Variants in SEC14L4 observed in about 807,000 individuals in gnomAD.
SEC14L4 encodes SEC14 like lipid binding 4.
SEC14L4 carries 42 observed loss-of-function variants against 55.1 expected under a neutral mutation model. The observed-to-expected ratio is 0.76, with a 90% CI of 0.60 to 0.99. The LOEUF is 0.99. Among genes scored for constraint, SEC14L4 ranks in the 50% least tolerant of loss-of-function variants. The pLI is 0.00. For missense variants in SEC14L4, 445 were observed against 512.1 expected (o/e 0.87, Z 1.27); for synonymous variants, 206 against 206.8 (o/e 1.00, Z 0.03).
intron 2 of SEC14L4, among the ~76,000 whole-genome samples, chr22:30,501,696 T>G (rs1475047885): frequency 6.6e-6 from 1 of 151,970 alleles, no homozygotes; most frequent in Non-Finnish European, 1.5e-5. Context: ...CTAACAAATG[T>G]ACCATCATCA....
chr22:30,492,237 C>T (rs1447488131), intron 8 of SEC14L4, 82 bp from the exon 9 acceptor site: 1 of 1,505,402 alleles, frequency 6.6e-7, no homozygotes, highest in Non-Finnish European at 9.1e-7. Context: ...GGTGAGGGAA[C>T]CTGATATGTC....
At chr22:30,494,989 G>A (rs765713151) in intron 5 of SEC14L4, 28 bp from the exon 6 acceptor site, 3 of 1,589,936 alleles carry the variant, frequency 1.9e-6, no homozygotes, top group Non-Finnish European at 2.6e-6. Flanking sequence ...ATATAGGTCA[G>A]ACGACAGCTC....
At chr22:30,497,761 T>G (rs372487810) in intron 2 of SEC14L4, among the ~76,000 whole-genome samples, 1 of 152,202 alleles carries the variant, frequency 6.6e-6, no homozygotes, top group Admixed American at 6.6e-5. Context: ...CAAGTTCACC[T>G]ATGCGATCTT....
intron 4 of SEC14L4, 29 bp from the exon 5 acceptor site, chr22:30,495,471 A>G (rs1936115576): frequency 6.2e-7 from 1 of 1,611,184 alleles, no homozygotes; most frequent in East Asian, 2.2e-5. Context: ...TCCCGACTCA[A>G]TCCAGCTCAC....
Position 30,491,603 on chromosome 22 carries a change from C to T in SEC14L4, c.1051G>A (p.Gly351Arg), listed in dbSNP as rs867321945. Residue 351 changes from glycine (G) to arginine (R), a missense_variant, in exon 11 of 12, where the codon GGG (glycine) becomes AGG (arginine). By Grantham distance (125) the Gly-to-Arg change is moderately radical (BLOSUM62 -2). Transcript: ENST00000255858. Reference protein sequence around the residue: ...RYNAHMVPEDGSLTCLQAGVY... With the variant: ...RYNAHMVPEDRSLTCLQAGVY... ...CCAGCCTGGAGGCAGGTGAGGCTCC[C>T]ATCCTCAGGCACCATGTGGGCATTG... 1.2e-6 allele frequency: 2 copies of T among 1,614,056 alleles called. No individual in the cohort carries two copies. Among genetic ancestry groups the T allele is most frequent in the African/African-American group, 1.3e-5 (1 of 74,924 alleles).
rs1432400528 is a variant in SEC14L4, at chr22:30,491,682, C to G, written c.972G>C (p.Met324Ile). Residue 324 changes from methionine to isoleucine, a missense_variant, in exon 11 of 12, where the codon ATG (methionine) becomes ATC (isoleucine). By Grantham distance (10) the Met-to-Ile change is conservative (BLOSUM62 1). Coordinates refer to ENST00000255858, the MANE Select transcript of SEC14L4 (RefSeq NM_174977.4). ...IGFGVFLKTK[M>I]GEQQSAREMT... ...TCTCCCTAGCACTCTGCTGCTCCCC[C>G]ATCTTGGTCTTCAGGAAAACCCCAA... The G allele has an allele frequency of 5.6e-6, 9 of 1,614,192 alleles. No homozygotes were observed. The highest frequency in any genetic ancestry group is 1.3e-5 in the African/African-American group (1 of 75,056).
At chr22:30,501,788 GAA>G (rs1936328098) in intron 2 of SEC14L4, among the ~76,000 whole-genome samples, 1 of 146,818 alleles carries the variant, frequency 6.8e-6, no homozygotes, top group Admixed American at 7.0e-5. Context: ...GCAATTTTCT[GAA>G]AATCTAAAAC....
At chr22:30,498,069 C>T (rs1212893704) in intron 2 of SEC14L4, among the ~76,000 whole-genome samples, 1 of 151,110 alleles carries the variant, frequency 6.6e-6, no homozygotes, top group African/African-American at 2.4e-5. Flanking sequence ...GGTTAAACTC[C>T]TGGGTATTTT....
chr22:30,494,081 T>C, intron 7 of SEC14L4, 69 bp downstream of exon 7: 1 of 1,191,724 alleles, frequency 8.4e-7, no homozygotes, highest in Non-Finnish European at 1.3e-6. Context: ...TTTAACTCCA[T>C]GGCTTACCTA....
chr22:30,495,076 A>G (rs190471398), intron 5 of SEC14L4, 115 bp from the exon 6 acceptor site: 1 of 936,618 alleles, frequency 1.1e-6, no homozygotes, highest in African/African-American at 1.7e-5. Flanking sequence ...GGCAGCCCAC[A>G]GCGTTTTCCA....
chr22:30,498,119 A>G (rs1019631970), intron 2 of SEC14L4, among the ~76,000 whole-genome samples: 1 of 133,338 alleles, frequency 7.5e-6, no homozygotes, highest in African/African-American at 2.8e-5. Flanking sequence ...CTGACTTTTC[A>G]TTATCTTTTT....
Position 30,491,622 on chromosome 22 carries a change from G to A in SEC14L4, c.1032C>T (p.Ala344=). Residue 344 remains alanine, a synonymous_variant, in exon 11 of 12, where the codon GCC becomes GCT. Coordinates refer to ENST00000255858, the MANE Select transcript of SEC14L4 (RefSeq NM_174977.4). The stretch of plus-strand genomic sequence containing the variant: ...GGCTCCCATCCTCAGGCACCATGTG[G>A]GCATTGTAGCGCTGGCTGGGCAGCA... ...TEVLPSQRYN[A]HMVPEDGSLT... 1.2e-6 allele frequency: 2 copies of A among 1,614,142 alleles called. No homozygotes were observed. The highest frequency in any genetic ancestry group is 1.1e-5 in the South Asian group (1 of 91,084).
At chr22:30,503,001 C>T (rs1359458889) in intron 2 of SEC14L4, among the ~76,000 whole-genome samples, 1 of 152,228 alleles carries the variant, frequency 6.6e-6, no homozygotes, top group Non-Finnish European at 1.5e-5. Context: ...GCCCTGTCCT[C>T]GGGGAACTGG....
At chr22:30,505,457 C>T in intron 1 of SEC14L4, 101 bp downstream of exon 1, 1 of 1,237,342 alleles carries the variant, frequency 8.1e-7, no homozygotes, top group Non-Finnish European at 1.1e-6. Flanking sequence ...TCTCTCCAGG[C>T]TCGGTGTTCC....
At chr22:30,495,791 C>T (rs1376283231) in intron 3 of SEC14L4, 137 bp downstream of exon 3, 1 of 1,596,442 alleles carries the variant, frequency 6.3e-7, no homozygotes, top group Non-Finnish European at 8.5e-7. Context: ...GGACTTGGGT[C>T]TGATGCAGAA....
chr22:30,489,148 A>G lies in SEC14L4; in HGVS notation c.*959T>C, dbSNP rs1387426781. ...TGGAGACTCAGTCGTTACCCACTCA[A>G]CTGGAAGGCTGAGCATGGCTTTTTC... is the stretch of plus-strand genomic sequence containing the variant. On this transcript the variant is annotated 3_prime_UTR_variant, in exon 12 of 12. Coordinates refer to ENST00000255858, the MANE Select transcript of SEC14L4 (RefSeq NM_174977.4). 6.5e-6 allele frequency: 1 copy of G among 152,834 alleles called. No individual in the cohort carries two copies. Among genetic ancestry groups the G allele is most frequent in the Non-Finnish European group, 1.5e-5 (1 of 68,582 alleles). The allele number at this position is 152,834 out of a possible 1,614,324, so 9.5% of individuals were successfully genotyped here.
chr22:30,503,875 G>T, intron 1 of SEC14L4, 123 bp from the exon 2 acceptor site: 1 of 655,434 alleles, frequency 1.5e-6, no homozygotes, highest in Non-Finnish European at 2.6e-6. Flanking sequence ...GCAGGGTGCT[G>T]CCCTGAACGA....
intron 3 of SEC14L4, 122 bp from the exon 4 acceptor site, chr22:30,495,764 C>T (rs1164249464): frequency 6.2e-7 from 1 of 1,604,176 alleles, no homozygotes; most frequent in Non-Finnish European, 8.5e-7. Flanking sequence ...AGCGTGGGGA[C>T]AGGAGGTGGG....
intron 2 of SEC14L4, among the ~76,000 whole-genome samples, chr22:30,500,433 T>C: frequency 6.6e-6 from 1 of 152,116 alleles, no homozygotes; most frequent in African/African-American, 2.4e-5. Context: ...TATAGGTGAT[T>C]TTCTGTTGTG....
Sources: allele counts gnomAD v4.1 joint callset (sites outside exome capture counted in the v4.1 genomes callset), GRCh38; gene constraint gnomAD v4.1.1; transcripts MANE v1.5; gene names NCBI Gene and HGNC (gene_info 2026-07-23, HGNC 2026-07-21).